AOX1: variants seen among roughly 807,000 people sequenced by gnomAD.
The protein encoded by AOX1 is aldehyde oxidase 1.
Under a neutral mutation model 169.5 loss-of-function variants are expected in AOX1, and 153 were observed. The observed-to-expected ratio is 0.90, with a 90% CI of 0.79 to 1.03. AOX1 has a LOEUF of 1.03. Ranked by LOEUF, AOX1 falls within the 50% of genes least tolerant of loss-of-function variation. AOX1 has a pLI of 0.00. For synonymous variants in AOX1, 562 were observed against 581.9 expected (o/e 0.97, Z 0.49); for missense variants, 1,656 against 1,663.9 (o/e 1.00, Z 0.08).
At chr2:200,597,162 T>C (rs1266385448) in intron 3 of AOX1, among the ~76,000 whole-genome samples, 2 of 152,192 alleles carry the variant, frequency 1.3e-5, no homozygotes, top group Admixed American at 1.3e-4. Context: ...TTAGGAGGCG[T>C]AATTTTAATC....
chr2:200,600,231 TA>T (rs1559232299), intron 5 of AOX1, among the ~76,000 whole-genome samples: 1 of 152,190 alleles, frequency 6.6e-6, no homozygotes, highest in Non-Finnish European at 1.5e-5. Flanking sequence ...TTATAATCAT[TA>T]AAAAGCCAGT....
chr2:200,602,294 C>T lies in AOX1; in HGVS notation c.447C>T (p.Cys149=). ...QLTDALGGNL[C]RCTGYRPIID... ...GTTTTTCTCCTTCAGGTAACCTGTG[C>T]CGTTGCACTGGATACAGGCCCATAA... is the stretch of plus-strand genomic sequence containing the variant. The change falls in exon 6 of 35, where the codon TGC becomes TGT. Residue 149 remains cysteine, a synonymous_variant. Transcript: ENST00000374700. The T allele has an allele frequency of 6.2e-7, 1 of 1,613,674 alleles. No individual in the cohort carries two copies. The highest frequency in any genetic ancestry group is 8.5e-7 in the Non-Finnish European group (1 of 1,179,838).
chr2:200,605,429 A>AT, intron 9 of AOX1, 107 bp from the exon 10 acceptor site: 1 of 456,984 alleles, frequency 2.2e-6, no homozygotes, highest in Non-Finnish European at 3.7e-6. Flanking sequence ...AAGATACAAT[A>AT]TTTTTAGATA....
At chr2:200,613,037 A>T (rs1350918303) in intron 14 of AOX1, among the ~76,000 whole-genome samples, 5 of 146,830 alleles carry the variant, frequency 3.4e-5, no homozygotes, top group African/African-American at 1.3e-4. Flanking sequence ...TGAGAGAGAG[A>T]GAGAGAGACA....
Position 200,659,868 on chromosome 2 carries a change from G to A in AOX1, c.3301-127G>A, listed in dbSNP as rs2035786737. The A allele has an allele frequency of 1.3e-5, 9 of 686,844 alleles. No individual in the cohort carries two copies. The South Asian group carries it at 1.6e-4, about 13-fold the overall frequency. The allele number at this position is 686,844 out of a possible 1,614,324, so 42.5% of individuals were successfully genotyped here. On this transcript the variant is annotated intron_variant, in intron 28 of 34. Transcript: ENST00000374700. ...AAACCTTTCATATCACCTTCATACA[G>A]GGTTGGTGTCTTATTTTTCCATGTT...
intron 16 of AOX1, 52 bp from the exon 17 acceptor site, chr2:200,620,598 C>A: frequency 1.4e-6 from 2 of 1,387,008 alleles, no homozygotes; most frequent in South Asian, 1.7e-5. Flanking sequence ...AATAATAATT[C>A]CTACTTTCTC....
chr2:200,664,902 G>A lies in AOX1; in HGVS notation c.3544-1785G>A, dbSNP rs558651618. ...CACCACTTCTGAGGGGCTGGCCTCC[G>A]GGAGTGGCTTATCTGGGTGATTCTG... On this transcript the variant is annotated intron_variant, in intron 31 of 34. Transcript: ENST00000374700. 1.5e-3 allele frequency among the ~76,000 whole-genome samples: 235 copies of A among 152,294 alleles called. 1 individual carries two copies. Among genetic ancestry groups the A allele is most frequent in the African/African-American group, 5.5e-3 (227 of 41,578 alleles).
rs1290489755 is a variant in AOX1, at chr2:200,656,845, G to T, written c.3079G>T (p.Ala1027Ser). 6.4e-7 allele frequency: 1 copy of T among 1,571,064 alleles called. No homozygotes were observed. The highest frequency in any genetic ancestry group is 8.6e-7 in the Non-Finnish European group (1 of 1,157,544). The change falls in exon 27 of 35, where the codon GCT (alanine) becomes TCT (serine). Residue 1027 changes from alanine to serine, a missense_variant. Ala to Ser is a moderately conservative substitution (Grantham distance 99). Coordinates refer to ENST00000374700, the MANE Select transcript of AOX1 (RefSeq NM_001159.4). ...AGTTTTCGTCTTTTCTGCTCAGGCT[G>T]CTGCCTTGGTTCACATTTATCTTGA... Reference protein sequence around the residue: ...GLGSRAAGQAAALVHIYLDGS... With the variant: ...GLGSRAAGQASALVHIYLDGS...
At chr2:200,615,010 T>C (rs542770011) in intron 15 of AOX1, among the ~76,000 whole-genome samples, 6 of 49,584 alleles carry the variant, frequency 1.2e-4, no homozygotes, top group Middle Eastern at 0.012. Flanking sequence ...GTTGGTTTTA[T>C]TTAATTTTTT....
rs536658058 is a variant in AOX1 at position 200,635,054 on chromosome 2, G to T, written c.2346+139G>T. ...TTGAACCCAGGAGCTCAAGGCTTCA[G>T]TGATCTATGATCACACCACTGCACT... On this transcript the variant is annotated intron_variant, in intron 21 of 34. Coordinates refer to ENST00000374700, the MANE Select transcript of AOX1 (RefSeq NM_001159.4). The T allele has an allele frequency of 1.0e-5, 10 of 990,180 alleles. No homozygotes were observed. In the Admixed American group the frequency reaches 2.5e-4, roughly 24 times the overall value. 61.3% of individuals were successfully genotyped at this position (990,180 alleles called of 1,614,324 possible). A position where few individuals can be genotyped will look rare whatever the true frequency, so the allele number is the denominator to read the frequency against.
chr2:200,639,873 A>G (rs141465385), intron 23 of AOX1, among the ~76,000 whole-genome samples: 1,544 of 152,084 alleles, frequency 0.01, 13 homozygotes, highest in Middle Eastern at 0.027. Context: ...TGTCTCTAAT[A>G]AAAATACAAA....
chr2:200,604,716 G>A lies in AOX1; in HGVS notation c.690G>A (p.Ser230=), dbSNP rs61695335. The change falls in exon 9 of 35, where the codon TCG becomes TCA. Residue 230 remains serine (S), a synonymous_variant. Transcript: ENST00000374700. ...AATAGATAATGGCTGAGAAACAGTC[G>A]CAAAGGACCAGGGTGTTTGGCAGTG... ...PELMIMAEKQ[S]QRTRVFGSER... The A allele has an allele frequency of 1.2e-3, 1,868 of 1,614,046 alleles. 7 individuals are homozygous for A. Among genetic ancestry groups the A allele is most frequent in the Middle Eastern group, 3.5e-3 (21 of 6,056 alleles).
intron 13 of AOX1, among the ~76,000 whole-genome samples, chr2:200,612,195 G>T (rs1009016475): frequency 6.6e-6 from 1 of 152,176 alleles, no homozygotes; most frequent in Admixed American, 6.5e-5. Context: ...ATGAGGCTTT[G>T]CATGAGATAG....
At chr2:200,620,840 T>C in intron 17 of AOX1, 21 bp downstream of exon 17, 1 of 1,584,614 alleles carries the variant, frequency 6.3e-7, no homozygotes, top group East Asian at 2.3e-5. Flanking sequence ...AAATTCTTAC[T>C]CAATGGGCAT....
At chr2:200,618,093 T>C (rs2034804713) in intron 16 of AOX1, among the ~76,000 whole-genome samples, 1 of 152,196 alleles carries the variant, frequency 6.6e-6, no homozygotes, top group Non-Finnish European at 1.5e-5. Flanking sequence ...TAAACTTTTC[T>C]CTCATTTTCC....
intron 25 of AOX1, 100 bp from the exon 26 acceptor site, chr2:200,650,874 C>T (rs2035565391): frequency 3.7e-6 from 4 of 1,074,980 alleles, no homozygotes; most frequent in South Asian, 3.0e-5. Context: ...TTGGCTTGGA[C>T]CTTACAGGAT....
At chr2:200,653,875 A>G (rs2035627471) in intron 26 of AOX1, among the ~76,000 whole-genome samples, 1 of 152,190 alleles carries the variant, frequency 6.6e-6, no homozygotes, top group African/African-American at 2.4e-5. Flanking sequence ...ATCTGTGATC[A>G]GTTATCTTTG....
chr2:200,586,948 T>C (rs2034049267), intron 1 of AOX1, among the ~76,000 whole-genome samples: 1 of 152,132 alleles, frequency 6.6e-6, no homozygotes, highest in Admixed American at 6.5e-5. Flanking sequence ...TTGACATTAC[T>C]CTGAAGGAGG....
intron 29 of AOX1, among the ~76,000 whole-genome samples, chr2:200,660,293 A>G (rs2035795327): frequency 6.6e-6 from 1 of 152,238 alleles, no homozygotes. Context: ...AGAGAAAAAG[A>G]TGGTTCTTCT....
Sources: gnomAD v4.1 joint callset for allele counts (sites outside exome capture counted in the v4.1 genomes callset) on GRCh38, gnomAD v4.1.1 for gene constraint, MANE v1.5 for transcripts, NCBI Gene and HGNC (gene_info 2026-07-23, HGNC 2026-07-21) for gene names.